The following SEMA6D variants were observed in gnomAD, a reference collection of about 807,000 sequenced individuals.
SEMA6D encodes semaphorin 6D.
A neutral mutation model predicts 106.6 loss-of-function variants in SEMA6D; 35 were observed. That is an observed-to-expected ratio of 0.33 (90% CI 0.25 to 0.44). The LOEUF is 0.44. Ranked by LOEUF, SEMA6D falls within the 20% of genes least tolerant of loss-of-function variation. The pLI is 1.00. For missense variants in SEMA6D, 1,185 were observed against 1,345.9 expected (o/e 0.88, Z 1.87); for synonymous variants, 499 against 487.7 (o/e 1.02, Z -0.31).
chr15:47,699,778 G>A (rs945888986), intron 4 of SEMA6D, among the ~76,000 whole-genome samples: 3 of 152,198 alleles, frequency 2.0e-5, no homozygotes, highest in African/African-American at 7.2e-5. Context: ...TCTCGCTACT[G>A]CTTTTTGACA....
chr15:47,300,425 C>T (rs975058310), intron 1 of SEMA6D, among the ~76,000 whole-genome samples: 1 of 151,492 alleles, frequency 6.6e-6, no homozygotes, highest in African/African-American at 2.4e-5. Flanking sequence ...AGTGTTGAGT[C>T]CTGGGGGGGT....
intron 3 of SEMA6D, among the ~76,000 whole-genome samples, chr15:47,551,192 C>G (rs1289723262): frequency 6.6e-6 from 1 of 152,112 alleles, no homozygotes; most frequent in Admixed American, 6.6e-5. Flanking sequence ...CTGATCCATT[C>G]TCTCATGATT....
intron 3 of SEMA6D, among the ~76,000 whole-genome samples, chr15:47,565,491 G>A (rs187209105): frequency 6.6e-6 from 1 of 152,352 alleles, no homozygotes; most frequent in Admixed American, 6.5e-5. Flanking sequence ...CATGTCACGA[G>A]TCCTGCAAAG....
chr15:47,629,339 G>A (rs1023019950), intron 4 of SEMA6D, among the ~76,000 whole-genome samples: 3 of 151,980 alleles, frequency 2.0e-5, no homozygotes, highest in Non-Finnish European at 4.4e-5. Flanking sequence ...AATGGGAATT[G>A]CATGAAACCA....
chr15:47,661,182 TG>T (rs1456852510), intron 4 of SEMA6D, among the ~76,000 whole-genome samples: 1 of 152,216 alleles, frequency 6.6e-6, no homozygotes, highest in Non-Finnish European at 1.5e-5. Flanking sequence ...TGCAATTCCC[TG>T]GGGAAACTGT....
At chr15:47,698,956 G>A (rs576889579) in intron 4 of SEMA6D, among the ~76,000 whole-genome samples, 7 of 152,258 alleles carry the variant, frequency 4.6e-5, no homozygotes, top group African/African-American at 1.7e-4. Flanking sequence ...TCCATTGTAT[G>A]ATTCAATAAA....
intron 1 of SEMA6D, among the ~76,000 whole-genome samples, chr15:47,348,724 A>AC (rs1437954971): frequency 6.3e-4 from 27 of 42,580 alleles, no homozygotes; most frequent in African/African-American, 1.4e-3. Flanking sequence ...CACACCACAC[A>AC]CACAGAGAGA....
intron 3 of SEMA6D, among the ~76,000 whole-genome samples, chr15:47,557,831 G>A (rs1354421737): frequency 6.6e-6 from 1 of 152,096 alleles, no homozygotes; most frequent in East Asian, 1.9e-4. Context: ...GTTAGAACGG[G>A]CCTGTTAATT....
At chr15:47,315,845 T>C (rs1260867162) in intron 1 of SEMA6D, among the ~76,000 whole-genome samples, 2 of 152,100 alleles carry the variant, frequency 1.3e-5, no homozygotes, top group African/African-American at 4.8e-5. Context: ...TTTTGGAGGG[T>C]GCTCATTTAA....
intron 2 of SEMA6D, among the ~76,000 whole-genome samples, chr15:47,452,725 A>T (rs893109027): frequency 6.6e-6 from 1 of 151,868 alleles, no homozygotes; most frequent in African/African-American, 2.4e-5. Context: ...ACCATAGCAA[A>T]TTGTTTGACC....
chr15:47,516,732 A>G (rs750489137), intron 3 of SEMA6D, among the ~76,000 whole-genome samples: 15 of 152,162 alleles, frequency 9.9e-5, no homozygotes, highest in Non-Finnish European at 2.2e-4. Flanking sequence ...ATTACTTGGA[A>G]GAGGACATCA....
intron 3 of SEMA6D, among the ~76,000 whole-genome samples, chr15:47,583,366 GCTCCTTAGAGT>G (rs765350203): frequency 6.6e-5 from 10 of 152,184 alleles, no homozygotes; most frequent in Non-Finnish European, 1.3e-4. Flanking sequence ...GGTTCTTTCT[GCTCCTTAGAGT>G]CTGGCCTCAG....
At chr15:47,276,426 G>A (rs2034816424) in intron 1 of SEMA6D, among the ~76,000 whole-genome samples, 1 of 152,122 alleles carries the variant, frequency 6.6e-6, no homozygotes, top group Admixed American at 6.6e-5. Flanking sequence ...AGGGACTGAT[G>A]CAGCTGCTGA....
At chr15:47,702,230 C>G (rs998465170) in intron 4 of SEMA6D, among the ~76,000 whole-genome samples, 3 of 152,112 alleles carry the variant, frequency 2.0e-5, no homozygotes, top group African/African-American at 7.2e-5. Context: ...AAACACCTCA[C>G]CAAAGAAGAT....
At chr15:47,273,129 T>C (rs1348663492) in intron 1 of SEMA6D, among the ~76,000 whole-genome samples, 1 of 152,186 alleles carries the variant, frequency 6.6e-6, no homozygotes, top group African/African-American at 2.4e-5. Flanking sequence ...ACACCATTTG[T>C]TGTGGATCTT....
chr15:47,275,870 C>T (rs913539126), intron 1 of SEMA6D, among the ~76,000 whole-genome samples: 1 of 152,108 alleles, frequency 6.6e-6, no homozygotes, highest in Admixed American at 6.6e-5. Flanking sequence ...CCTCTTGTAC[C>T]AGTTAATCAA....
At chr15:47,509,639 A>T (rs888600391) in intron 3 of SEMA6D, among the ~76,000 whole-genome samples, 2 of 152,100 alleles carry the variant, frequency 1.3e-5, no homozygotes, top group African/African-American at 4.8e-5. Flanking sequence ...CTACACCTTC[A>T]CTCATCCTGT....
At chr15:47,603,492 A>G (rs956354563) in intron 4 of SEMA6D, 7 of 152,082 alleles carry the variant, frequency 4.6e-5, no homozygotes, top group South Asian at 2.1e-4. Context: ...TTTATATTCC[A>G]CAACTAACTG....
chr15:47,185,876 T>A (rs1311389907), intron 1 of SEMA6D: 2 of 152,068 alleles, frequency 1.3e-5, no homozygotes, highest in African/African-American at 4.8e-5. Context: ...TGCATTTTGC[T>A]GGGAAAAAAA....
Sources: allele counts gnomAD v4.1 joint callset (sites outside exome capture counted in the v4.1 genomes callset), GRCh38; gene constraint gnomAD v4.1.1; transcripts MANE v1.5; gene names NCBI Gene and HGNC (gene_info 2026-07-23, HGNC 2026-07-21).